Variants in RIMS2 observed in about 807,000 individuals in gnomAD.
RIMS2 encodes regulating synaptic membrane exocytosis protein 2.
A neutral mutation model predicts 174.4 loss-of-function variants in RIMS2; 59 were observed. That is an observed-to-expected ratio of 0.34 (90% CI 0.27 to 0.42). The LOEUF (loss-of-function observed/expected upper bound fraction) is 0.42. Ranked by LOEUF, RIMS2 falls within the 10% of genes least tolerant of loss-of-function variation. RIMS2 has a pLI of 1.00. For synonymous variants in RIMS2, 606 were observed against 572.5 expected (o/e 1.06, Z -0.84); for missense variants, 1,620 against 1,666.3 (o/e 0.97, Z 0.48).
At chr8:104,125,125 G>A (rs2098418183) in intron 19 of RIMS2, among the ~76,000 whole-genome samples, 1 of 152,030 alleles carries the variant, frequency 6.6e-6, no homozygotes, top group African/African-American at 2.4e-5. Context: ...CCGTGGTAAA[G>A]GACTATGTCT....
intron 19 of RIMS2, among the ~76,000 whole-genome samples, chr8:104,204,361 T>C (rs759973447): frequency 1.3e-5 from 2 of 152,210 alleles, no homozygotes; most frequent in Non-Finnish European, 2.9e-5. Context: ...GAATGTGGGA[T>C]TAACTTGAGA....
At chr8:103,789,108 C>G (rs575729219) in intron 3 of RIMS2, among the ~76,000 whole-genome samples, 137 of 152,336 alleles carry the variant, frequency 9.0e-4, no homozygotes, top group African/African-American at 3.2e-3. Flanking sequence ...CCAAGGGAGG[C>G]AATGCCTCGC....
chr8:103,687,852 T>C (rs1784060886), intron 1 of RIMS2, among the ~76,000 whole-genome samples: 1 of 151,242 alleles, frequency 6.6e-6, no homozygotes, highest in Non-Finnish European at 1.5e-5. Context: ...CTTTCTTTTT[T>C]ATAGCTGAAT....
chr8:103,902,448 G>A (rs1353423068), intron 4 of RIMS2, among the ~76,000 whole-genome samples: 1 of 152,104 alleles, frequency 6.6e-6, no homozygotes, highest in Non-Finnish European at 1.5e-5. Flanking sequence ...ACCATGAGGT[G>A]GGGATTATGG....
intron 1 of RIMS2, among the ~76,000 whole-genome samples, chr8:103,537,976 C>CA (rs1230270870): frequency 6.6e-6 from 1 of 152,024 alleles, no homozygotes; most frequent in Non-Finnish European, 1.5e-5. Context: ...TTCTGGCCAA[C>CA]ACAGTTAATT....
chr8:103,999,565 T>C lies in RIMS2; in HGVS notation c.3044+10144T>C, dbSNP rs79529524. Among the ~76,000 whole-genome samples, 4 of 151,760 alleles carry C rather than the reference T, an allele frequency of 2.6e-5. No individual in the cohort carries two copies. In the East Asian group the frequency reaches 7.7e-4, roughly 29 times the overall value. On this transcript the variant is annotated intron_variant, in intron 17 of 23. Transcript: ENST00000504942. The stretch of plus-strand genomic sequence containing the variant: ...TTACAAAAATATGGAAAAGTAGTTA[T>C]ATAACTGTATTTTGATAATTGGCTA...
At chr8:104,081,976 T>G (rs2097428679) in intron 19 of RIMS2, among the ~76,000 whole-genome samples, 1 of 152,102 alleles carries the variant, frequency 6.6e-6, no homozygotes, top group South Asian at 2.1e-4. Flanking sequence ...TTGAATATTT[T>G]TTTTTCAATT....
chr8:103,942,750 TC>T (rs1459256833), intron 13 of RIMS2, 22 bp from the exon 16 acceptor site: 3 of 1,573,454 alleles, frequency 1.9e-6, no homozygotes, highest in East Asian at 4.5e-5. Context: ...ATTATAACCG[TC>T]CTTTGTCTCT....
At chr8:104,122,415 G>T (rs1326953396) in intron 19 of RIMS2, among the ~76,000 whole-genome samples, 1 of 152,074 alleles carries the variant, frequency 6.6e-6, no homozygotes, top group African/African-American at 2.4e-5. Flanking sequence ...AGGGCTGGAG[G>T]GGTGATCTTA....
chr8:104,248,891 T>TTC lies in RIMS2; in HGVS notation c.3589+98_3589+99dup, dbSNP rs368851079. ...GAAATTCTCTAAATTTCATAGAATC[T>TTC]TCTCTCTCTCTCTCTCTCTCTTTCC... On this transcript the variant is annotated intron_variant, in intron 21 of 23. Coordinates refer to ENST00000504942, the Ensembl canonical transcript of RIMS2. 1.4e-3 allele frequency: 905 copies of TTC among 627,968 alleles called. 4 individuals are homozygous for TTC. The highest frequency in any genetic ancestry group is 0.011 in the African/African-American group (522 of 48,112). 38.9% of individuals were successfully genotyped at this position (627,968 alleles called of 1,614,324 possible). A position where few individuals can be genotyped will look rare whatever the true frequency, so the allele number is the denominator to read the frequency against.
At chr8:103,707,002 C>A (rs576887705) in intron 2 of RIMS2, among the ~76,000 whole-genome samples, 1 of 152,052 alleles carries the variant, frequency 6.6e-6, no homozygotes, top group African/African-American at 2.4e-5. Flanking sequence ...TTATCCTATG[C>A]GAATTTTCAA....
intron 17 of RIMS2, among the ~76,000 whole-genome samples, chr8:104,006,819 T>C (rs1211352301): frequency 6.6e-6 from 1 of 152,044 alleles, no homozygotes; most frequent in Non-Finnish European, 1.5e-5. Flanking sequence ...TATTTGGGTT[T>C]GGGTTTTTGT....
intron 19 of RIMS2, among the ~76,000 whole-genome samples, chr8:104,237,613 TAG>T (rs1204299215): frequency 6.6e-6 from 1 of 152,194 alleles, no homozygotes; most frequent in African/African-American, 2.4e-5. Context: ...CACCATGCTG[TAG>T]CTACTAGATA....
intron 1 of RIMS2, among the ~76,000 whole-genome samples, chr8:103,670,483 C>G (rs1215090773): frequency 6.6e-6 from 1 of 152,214 alleles, no homozygotes; most frequent in Admixed American, 6.5e-5. Flanking sequence ...TGTCAGGCTG[C>G]AAATTTTCTG....
intron 3 of RIMS2, among the ~76,000 whole-genome samples, chr8:103,813,809 A>T (rs982794094): frequency 1.3e-5 from 2 of 152,078 alleles, no homozygotes; most frequent in Non-Finnish European, 2.9e-5. Flanking sequence ...TCATTGTTGG[A>T]CAGTTGGGTT....
At chr8:104,223,514 C>G (rs1276093626) in intron 19 of RIMS2, 1 of 1,404,182 alleles carries the variant, frequency 7.1e-7, no homozygotes, top group Non-Finnish European at 9.2e-7. Flanking sequence ...GTCAGGGAGG[C>G]AGGGGCCAGA....
chr8:103,868,717 A>G (rs1179369218), intron 3 of RIMS2, among the ~76,000 whole-genome samples: 1 of 152,098 alleles, frequency 6.6e-6, no homozygotes, highest in East Asian at 1.9e-4. Context: ...TTTATCACTT[A>G]TTAGAATATC....
At position 104,042,063 on chromosome 8, in the gene RIMS2, G is replaced by A. The variant is rs567371372; in HGVS notation, c.3334+27448G>A. ...TATCCTTGCAGGCGTTTCCTAGTGTGAGTGTATATATTTTATATATATATA... is the reference window on the plus strand; with the variant it reads ...TATCCTTGCAGGCGTTTCCTAGTGTAAGTGTATATATTTTATATATATATA... On this transcript the variant is annotated intron_variant, in intron 19 of 23. Coordinates refer to ENST00000504942, the Ensembl canonical transcript of RIMS2. Among the ~76,000 whole-genome samples the A allele has an allele frequency of 1.6e-3, 248 of 151,348 alleles. 1 individual carries two copies. The highest frequency in any genetic ancestry group is 2.8e-3 in the Non-Finnish European group (186 of 67,542).
intron 3 of RIMS2, among the ~76,000 whole-genome samples, chr8:103,875,345 G>A (rs1046470987): frequency 6.6e-6 from 1 of 151,830 alleles, no homozygotes; most frequent in African/African-American, 2.4e-5. Flanking sequence ...TCCCACTTAT[G>A]AGTAAGAACA....
Sources: allele counts gnomAD v4.1 joint callset (sites outside exome capture counted in the v4.1 genomes callset), GRCh38; gene constraint gnomAD v4.1.1; transcripts MANE v1.5; gene names NCBI Gene and HGNC (gene_info 2026-07-23, HGNC 2026-07-21).